Variants in ONECUT2 observed in about 807,000 individuals in gnomAD.
The protein encoded by ONECUT2 is one cut domain family member 2.
Under a neutral mutation model 27.9 loss-of-function variants are expected in ONECUT2, and 10 were observed. The observed-to-expected ratio is 0.36, with a 90% CI of 0.22 to 0.61. The LOEUF (loss-of-function observed/expected upper bound fraction) is 0.61, where lower values mean the gene tolerates loss of function less well. Among genes scored for constraint, ONECUT2 ranks in the 20% least tolerant of loss-of-function variants. The pLI is 0.73. For synonymous variants in ONECUT2, 334 were observed against 315.1 expected (o/e 1.06, Z -0.64); for missense variants, 686 against 721.0 (o/e 0.95, Z 0.56).
intron 1 of ONECUT2, among the ~76,000 whole-genome samples, chr18:57,442,243 G>GTT (rs1568118321): frequency 0.05 from 6,313 of 127,326 alleles, 316 homozygotes; most frequent in African/African-American, 0.15. Context: ...AATTCTTCTG[G>GTT]GTTTTTTTTT....
intron 1 of ONECUT2, among the ~76,000 whole-genome samples, chr18:57,465,171 T>C (rs2050314128): frequency 6.6e-6 from 1 of 152,084 alleles, no homozygotes; most frequent in Non-Finnish European, 1.5e-5. Context: ...GGGGGTTGTT[T>C]GTTTGTTTTG....
chr18:57,455,436 G>T (rs927205957), intron 1 of ONECUT2, among the ~76,000 whole-genome samples: 2 of 152,098 alleles, frequency 1.3e-5, no homozygotes, highest in African/African-American at 4.8e-5. Context: ...AGCATTAATT[G>T]TCCTAGTGGT....
chr18:57,446,937 TGC>T, intron 1 of ONECUT2, among the ~76,000 whole-genome samples: 1 of 152,332 alleles, frequency 6.6e-6, no homozygotes, highest in Non-Finnish European at 1.5e-5. Flanking sequence ...GTGAGGGCTG[TGC>T]CAACTGTAAG....
At chr18:57,470,694 C>A (rs975888053) in intron 1 of ONECUT2, among the ~76,000 whole-genome samples, 1 of 152,120 alleles carries the variant, frequency 6.6e-6, no homozygotes, top group African/African-American at 2.4e-5. Flanking sequence ...AGGTGACATG[C>A]GGTTCCAGGG....
intron 1 of ONECUT2, chr18:57,467,307 G>A: frequency 2.5e-6 from 1 of 393,706 alleles, no homozygotes; most frequent in Non-Finnish European, 5.1e-6. Flanking sequence ...TGTGGAGAAA[G>A]AGCAGAGATT....
intron 1 of ONECUT2, among the ~76,000 whole-genome samples, chr18:57,447,609 G>T (rs1391702620): frequency 6.6e-6 from 1 of 152,076 alleles, no homozygotes; most frequent in East Asian, 1.9e-4. Flanking sequence ...CCTTCTGCAG[G>T]CATGATTGCC....
chr18:57,444,562 C>T, intron 1 of ONECUT2: 2 of 402,688 alleles, frequency 5.0e-6, no homozygotes, highest in East Asian at 7.2e-5. Flanking sequence ...TCCCCACCCC[C>T]CAGGGTGAGG....
chr18:57,440,157 C>A (rs1431183594), intron 1 of ONECUT2, among the ~76,000 whole-genome samples: 1 of 152,252 alleles, frequency 6.6e-6, no homozygotes, highest in Non-Finnish European at 1.5e-5. Context: ...GTTGCAACCC[C>A]GCCCGGTCGG....
At position 57,489,043 on chromosome 18, in the gene ONECUT2, C is replaced by A. The variant is rs1016498525; in HGVS notation, c.*12320C>A. The A allele has an allele frequency of 6.6e-6, 1 of 152,358 alleles. No homozygotes were observed. Among genetic ancestry groups the A allele is most frequent in the Non-Finnish European group, 1.5e-5 (1 of 68,142 alleles). 9.4% of individuals were successfully genotyped at this position (152,358 alleles called of 1,614,324 possible). A position where few individuals can be genotyped will look rare whatever the true frequency, so the allele number is the denominator to read the frequency against. On this transcript the variant is annotated 3_prime_UTR_variant, in exon 2 of 2. Transcript: ENST00000491143. ...TGTGGGCCACCAGGCACTCACCTTTCCCCACCTTGCACACTATCCAGTCAA... is the reference window on the plus strand; with the variant it reads ...TGTGGGCCACCAGGCACTCACCTTTACCCACCTTGCACACTATCCAGTCAA...
rs1415462513 is a variant in ONECUT2 at position 57,489,272 on chromosome 18, A to G, written c.*12549A>G. ...GATTATTTAGAAAACAAAGAAAGGT[A>G]TGGAATGGGGTTTCCTATTGTTTGC... On this transcript the variant is annotated 3_prime_UTR_variant, in exon 2 of 2. Coordinates refer to ENST00000491143, the MANE Select transcript of ONECUT2 (RefSeq NM_004852.3). The G allele has an allele frequency of 1.3e-5, 2 of 152,256 alleles. No homozygotes were observed. Among genetic ancestry groups the G allele is most frequent in the African/African-American group, 4.8e-5 (2 of 41,466 alleles). The allele number at this position is 152,256 out of a possible 1,614,324, so 9.4% of individuals were successfully genotyped here. A position where few individuals can be genotyped will look rare whatever the true frequency, so the allele number is the denominator to read the frequency against.
intron 1 of ONECUT2, among the ~76,000 whole-genome samples, chr18:57,443,106 A>G (rs183606053): frequency 6.6e-6 from 1 of 152,338 alleles, no homozygotes; most frequent in Admixed American, 6.5e-5. Context: ...CTCCATGGCT[A>G]GTGGCTGGAT....
rs1310668093 is a variant in ONECUT2 at position 57,488,274 on chromosome 18, T to G, written c.*11551T>G. 1 of 152,644 alleles carries G rather than the reference T, an allele frequency of 6.6e-6. No homozygotes were observed. The highest frequency in any genetic ancestry group is 2.4e-5 in the African/African-American group (1 of 41,460). 9.5% of individuals were successfully genotyped at this position (152,644 alleles called of 1,614,324 possible). On this transcript the variant is annotated 3_prime_UTR_variant, in exon 2 of 2. Coordinates refer to ENST00000491143, the MANE Select transcript of ONECUT2 (RefSeq NM_004852.3). ...GTAAGACAATTGATGATTGTAATAG[T>G]GTTTAATCTTCCAGAAAGCTTTATA...
At chr18:57,465,376 C>G (rs2050315643) in intron 1 of ONECUT2, among the ~76,000 whole-genome samples, 1 of 152,226 alleles carries the variant, frequency 6.6e-6, no homozygotes, top group Non-Finnish European at 1.5e-5. Flanking sequence ...GTTGCCCAGG[C>G]TGGTCGCAAA....
At chr18:57,437,280 G>T (rs2050148230) in intron 1 of ONECUT2, among the ~76,000 whole-genome samples, 1 of 152,072 alleles carries the variant, frequency 6.6e-6, no homozygotes, top group African/African-American at 2.4e-5. Context: ...GCGGGATGGG[G>T]GTGTGCGTTT....
chr18:57,472,540 G>C (rs554690774), intron 1 of ONECUT2, among the ~76,000 whole-genome samples: 1 of 152,162 alleles, frequency 6.6e-6, no homozygotes, highest in Non-Finnish European at 1.5e-5. Flanking sequence ...TGGGCTTGCT[G>C]TACACTTCTA....
Position 57,435,758 on chromosome 18 carries a change from C to T in ONECUT2, c.42C>T (p.Asp14=), listed in dbSNP as rs1173365966. The T allele has an allele frequency of 3.1e-6, 4 of 1,270,414 alleles. No individual in the cohort carries two copies. The South Asian group carries it at 4.0e-5, about 13-fold the overall frequency. The allele number at this position is 1,270,414 out of a possible 1,614,324, so 78.7% of individuals were successfully genotyped here. ...CCGCCTATCGATGCCTCACCAAAGA[C>T]CTAGAAGGCTGCGCCATGAACCCGG... is the stretch of plus-strand genomic sequence containing the variant. The part of the protein sequence containing the change: ...AYTAYRCLTK[D]LEGCAMNPEL... The change falls in exon 1 of 2, where the codon GAC becomes GAT. Residue 14 remains aspartate, a synonymous_variant. Transcript: ENST00000491143.
chr18:57,454,237 T>C (rs567598430), intron 1 of ONECUT2, among the ~76,000 whole-genome samples: 48 of 152,348 alleles, frequency 3.2e-4, no homozygotes, highest in Non-Finnish European at 1.2e-4. Context: ...TACAGATGCT[T>C]AGAATAACTG....
intron 1 of ONECUT2, among the ~76,000 whole-genome samples, chr18:57,454,750 C>T (rs1231096794): frequency 6.6e-6 from 1 of 152,144 alleles, no homozygotes; most frequent in Non-Finnish European, 1.5e-5. Context: ...TGCAAACTGG[C>T]CAACCATGCA....
rs1423962505 is a variant in ONECUT2 at position 57,435,923 on chromosome 18, C to T, written c.207C>T (p.His69=). The change falls in exon 1 of 2, where the codon CAC becomes CAT. Residue 69 remains histidine, a synonymous_variant. Transcript: ENST00000491143. ...TGCTGGCCAGCCCCAGCCCCCACCA[C>T]GCGGGCCGCGGCGCCGCTGGCTCGC... ...QELLASPSPH[H]AGRGAAGSLR... is the part of the protein sequence containing the mutation. 4.3e-6 allele frequency: 5 copies of T among 1,169,540 alleles called. No individual in the cohort carries two copies. The highest frequency in any genetic ancestry group is 5.3e-6 in the Non-Finnish European group (5 of 950,382). 72.4% of individuals were successfully genotyped at this position (1,169,540 alleles called of 1,614,324 possible).
Sources: allele counts gnomAD v4.1 joint callset (sites outside exome capture counted in the v4.1 genomes callset), GRCh38; gene constraint gnomAD v4.1.1; transcripts MANE v1.5; gene names NCBI Gene and HGNC (gene_info 2026-07-23, HGNC 2026-07-21).